DLG2: variants seen among roughly 807,000 people sequenced by gnomAD.
The protein encoded by DLG2 is disks large homolog 2.
Under a neutral mutation model 132.5 loss-of-function variants are expected in DLG2, and 45 were observed. The ratio of observed to expected loss-of-function variants is 0.34; its 90% CI spans 0.27 to 0.44. The LOEUF (loss-of-function observed/expected upper bound fraction) is 0.44. Among genes scored for constraint, DLG2 ranks in the 20% least tolerant of loss-of-function variants. The pLI, the probability that DLG2 is intolerant of heterozygous loss-of-function variation, is 1.00. For missense variants in DLG2, 1,045 were observed against 1,196.9 expected (o/e 0.87, Z 1.87); for synonymous variants, 424 against 419.6 (o/e 1.01, Z -0.13).
chr11:84,976,201 C>T (rs558761289), intron 6 of DLG2, among the ~76,000 whole-genome samples: 1 of 152,208 alleles, frequency 6.6e-6, no homozygotes, highest in East Asian at 1.9e-4. Flanking sequence ...TGTGTATCTT[C>T]AAAACTTAAT....
At chr11:84,677,038 A>T (rs1320171760) in intron 6 of DLG2, among the ~76,000 whole-genome samples, 2 of 152,158 alleles carry the variant, frequency 1.3e-5, no homozygotes, top group African/African-American at 4.8e-5. Flanking sequence ...CATAAAAAGA[A>T]TTTGGGGTTT....
At chr11:85,558,500 T>C (rs1162770955) in intron 3 of DLG2, among the ~76,000 whole-genome samples, 1 of 151,848 alleles carries the variant, frequency 6.6e-6, no homozygotes, top group Admixed American at 6.6e-5. Context: ...CACATGCTCA[T>C]TGCAGAGATA....
intron 3 of DLG2, among the ~76,000 whole-genome samples, chr11:85,316,052 G>C (rs1003886338): frequency 6.6e-6 from 1 of 151,924 alleles, no homozygotes; most frequent in East Asian, 1.9e-4. Flanking sequence ...TAAACTAAAG[G>C]GTTGAATTAC....
At position 84,214,809 on chromosome 11, in the gene DLG2, A is replaced by C. The variant is rs534741448; in HGVS notation, c.573+36429T>G. Among the ~76,000 whole-genome samples the C allele has an allele frequency of 3.3e-5, 5 of 152,338 alleles. No homozygotes were observed. In the East Asian group the frequency reaches 9.6e-4, roughly 29 times the overall value. The stretch of plus-strand genomic sequence containing the variant: ...ATAAAATGATCTTGGCTCAATTTTA[A>C]GAGTAGTTATCTTTTCAGGCACTTA... On this transcript the variant is annotated intron_variant, in intron 8 of 27. Coordinates refer to ENST00000376104, the MANE Select transcript of DLG2 (RefSeq NM_001142699.3).
At chr11:85,491,243 G>A (rs1374261282) in intron 3 of DLG2, among the ~76,000 whole-genome samples, 3 of 151,766 alleles carry the variant, frequency 2.0e-5, no homozygotes, top group African/African-American at 7.2e-5. Flanking sequence ...AAAAACTCTC[G>A]AATTAGGCAT....
intron 8 of DLG2, among the ~76,000 whole-genome samples, chr11:84,173,573 TATG>T (rs2095870693): frequency 6.6e-6 from 1 of 152,210 alleles, no homozygotes; most frequent in Non-Finnish European, 1.5e-5. Context: ...ACTTTACGAA[TATG>T]ATGATCTAAC....
At chr11:85,365,149 T>C (rs2152906489) in intron 3 of DLG2, among the ~76,000 whole-genome samples, 1 of 152,244 alleles carries the variant, frequency 6.6e-6, no homozygotes, top group African/African-American at 2.4e-5. Flanking sequence ...AAAAAATCAT[T>C]AGCAAACCTA....
At chr11:85,555,515 G>A (rs187858799) in intron 3 of DLG2, among the ~76,000 whole-genome samples, 9 of 152,004 alleles carry the variant, frequency 5.9e-5, no homozygotes, top group African/African-American at 1.9e-4. Context: ...CTTAGAAGCT[G>A]CCTAATTTTC....
At chr11:83,820,228 A>G (rs1333234992) in intron 17 of DLG2, among the ~76,000 whole-genome samples, 1 of 152,170 alleles carries the variant, frequency 6.6e-6, no homozygotes, top group Non-Finnish European at 1.5e-5. Context: ...AGGCCAGTTT[A>G]TGAAAATAAC....
chr11:84,282,656 G>GA (rs895348393), intron 7 of DLG2, among the ~76,000 whole-genome samples: 5 of 151,598 alleles, frequency 3.3e-5, no homozygotes, highest in African/African-American at 9.7e-5. Flanking sequence ...GGTTGGGGGA[G>GA]AAAAAAAAGC....
chr11:84,876,872 G>A (rs907840267), intron 6 of DLG2, among the ~76,000 whole-genome samples: 1 of 152,048 alleles, frequency 6.6e-6, no homozygotes, highest in Admixed American at 6.6e-5. Flanking sequence ...CAGAGATTCT[G>A]GTACATTGTG....
At chr11:84,668,267 ACT>A (rs904772297) in intron 6 of DLG2, among the ~76,000 whole-genome samples, 5 of 152,084 alleles carry the variant, frequency 3.3e-5, no homozygotes, top group African/African-American at 1.2e-4. Context: ...TTCTAGGGTG[ACT>A]CTACTAAAAA....
chr11:83,647,797 G>A (rs1233673756), intron 18 of DLG2: 3 of 152,094 alleles, frequency 2.0e-5, no homozygotes, highest in Non-Finnish European at 4.4e-5. Flanking sequence ...AATATAGGCA[G>A]GTGTTTATCA....
intron 3 of DLG2, among the ~76,000 whole-genome samples, chr11:85,518,579 G>A (rs951012047): frequency 2.6e-5 from 4 of 152,166 alleles, no homozygotes; most frequent in African/African-American, 7.2e-5. Context: ...ACAAAAGTTT[G>A]GAAAATTTGC....
At chr11:83,512,521 CA>C (rs1565564805) in intron 21 of DLG2, among the ~76,000 whole-genome samples, 1 of 151,798 alleles carries the variant, frequency 6.6e-6, no homozygotes. Flanking sequence ...ATTATTGCAT[CA>C]TTTTATTTAT....
chr11:85,488,231 A>C (rs1243022294), intron 3 of DLG2, among the ~76,000 whole-genome samples: 1 of 152,100 alleles, frequency 6.6e-6, no homozygotes, highest in Non-Finnish European at 1.5e-5. Flanking sequence ...TCTACTAAAA[A>C]TACAAAAATT....
chr11:83,593,942 TA>T (rs1294812822), intron 19 of DLG2, among the ~76,000 whole-genome samples: 2 of 152,042 alleles, frequency 1.3e-5, no homozygotes, highest in Non-Finnish European at 2.9e-5. Context: ...TGAGACTACT[TA>T]AAAAATGGCT....
intron 7 of DLG2, among the ~76,000 whole-genome samples, chr11:84,516,030 T>C (rs1347807107): frequency 2.0e-5 from 3 of 151,410 alleles, no homozygotes; most frequent in African/African-American, 7.3e-5. Context: ...AAATATCTGT[T>C]GAGACAAATG....
intron 3 of DLG2, among the ~76,000 whole-genome samples, chr11:85,526,974 G>A (rs2074805520): frequency 6.6e-6 from 1 of 152,130 alleles, no homozygotes; most frequent in Admixed American, 6.6e-5. Flanking sequence ...GCTCACAGGA[G>A]ACAACCAAAA....
Sources: allele counts gnomAD v4.1 joint callset (sites outside exome capture counted in the v4.1 genomes callset), GRCh38; gene constraint gnomAD v4.1.1; transcripts MANE v1.5; gene names NCBI Gene and HGNC (gene_info 2026-07-23, HGNC 2026-07-21).